MAP2K1: variants seen among roughly 807,000 people sequenced by gnomAD.
MAP2K1 encodes the protein mitogen-activated protein kinase kinase 1.
MAP2K1 carries 16 observed loss-of-function variants against 46.3 expected under a neutral mutation model. The ratio of observed to expected loss-of-function variants is 0.35; its 90% CI spans 0.23 to 0.52. The LOEUF (loss-of-function observed/expected upper bound fraction) is 0.52, where lower values mean the gene tolerates loss of function less well. Among genes scored for constraint, MAP2K1 ranks in the 20% least tolerant of loss-of-function variants. MAP2K1 has a pLI of 0.94. For missense variants in MAP2K1, 263 were observed against 497.1 expected, an observed-to-expected ratio of 0.53 and a Z score of 4.48; for synonymous variants, 183 against 185.6, an observed-to-expected ratio of 0.99 and a Z score of 0.11.
intron 2 of MAP2K1, 117 bp from the exon 3 acceptor site, chr15:66,436,629 T>C (rs1181978693): frequency 9.9e-7 from 1 of 1,011,450 alleles, no homozygotes; most frequent in African/African-American, 1.6e-5. Flanking sequence ...TTGTAACAAC[T>C]TAACCTGTTT....
At chr15:66,420,394 C>T (rs2093435014) in intron 1 of MAP2K1, among the ~76,000 whole-genome samples, 1 of 151,778 alleles carries the variant, frequency 6.6e-6, no homozygotes, top group African/African-American at 2.4e-5. Flanking sequence ...TGGCGAAACC[C>T]AGTCTCTACA....
chr15:66,413,967 T>A (rs187313747), intron 1 of MAP2K1, among the ~76,000 whole-genome samples: 3,619 of 150,854 alleles, frequency 0.024, 61 homozygotes, highest in Middle Eastern at 0.041. Context: ...TTTTTTTTTT[T>A]AATTGTTTAC....
At chr15:66,417,004 C>T (rs2093426160) in intron 1 of MAP2K1, among the ~76,000 whole-genome samples, 1 of 152,154 alleles carries the variant, frequency 6.6e-6, no homozygotes, top group Non-Finnish European at 1.5e-5. Flanking sequence ...TTCTGCCCAC[C>T]CCAAGGCTGA....
intron 3 of MAP2K1, among the ~76,000 whole-genome samples, chr15:66,439,794 G>T (rs2093498552): frequency 6.6e-6 from 1 of 151,912 alleles, no homozygotes; most frequent in African/African-American, 2.4e-5. Context: ...AAATTAGCTG[G>T]CGTGGAGGCA....
At chr15:66,400,247 C>T (rs750181235) in intron 1 of MAP2K1, among the ~76,000 whole-genome samples, 2 of 151,782 alleles carry the variant, frequency 1.3e-5, no homozygotes, top group Non-Finnish European at 2.9e-5. Flanking sequence ...TGGTCTCAAA[C>T]TCTTTGGCTC....
rs539174208 is a variant in MAP2K1, at chr15:66,475,380, T to C, written c.569-6375T>C. The stretch of plus-strand genomic sequence containing the variant: ...TAAAATCCTTTAACTGTTGCTTATC[T>C]ACTTTTGGATTCAGCCTTTGTCACA... On this transcript the variant is annotated intron_variant, in intron 5 of 10. Coordinates refer to ENST00000307102, the MANE Select transcript of MAP2K1 (RefSeq NM_002755.4). Among the ~76,000 whole-genome samples, 6 of 152,338 alleles carry C rather than the reference T, an allele frequency of 3.9e-5. No homozygotes were observed. In the South Asian group the frequency reaches 1.0e-3, roughly 26 times the overall value.
At chr15:66,428,911 C>T (rs1195694455) in intron 1 of MAP2K1, among the ~76,000 whole-genome samples, 1 of 151,074 alleles carries the variant, frequency 6.6e-6, no homozygotes, top group East Asian at 2.0e-4. Flanking sequence ...TCCTGAGTAG[C>T]TGTGATTACA....
At chr15:66,444,963 A>G (rs1891824715) in intron 5 of MAP2K1, 6 of 503,266 alleles carry the variant, frequency 1.2e-5, no homozygotes, top group Admixed American at 6.6e-5. Context: ...AAGAGCCTCA[A>G]CCAGCACTTA....
intron 3 of MAP2K1, among the ~76,000 whole-genome samples, chr15:66,442,380 C>A (rs7177301): frequency 0.069 from 10,459 of 152,224 alleles, 1,196 homozygotes; most frequent in African/African-American, 0.24. Context: ...CTGCTTTGAT[C>A]TTATTGCAGT....
chr15:66,401,722 C>A (rs1177518827), intron 1 of MAP2K1: 1 of 152,054 alleles, frequency 6.6e-6, no homozygotes, highest in Non-Finnish European at 1.5e-5. Flanking sequence ...AGGGAGTGTG[C>A]GCATCCAGGA....
At chr15:66,388,904 CTT>C (rs72328500) in intron 1 of MAP2K1, among the ~76,000 whole-genome samples, 1,468 of 111,896 alleles carry the variant, frequency 0.013, 24 homozygotes, top group African/African-American at 0.047. Context: ...AACATTTGTT[CTT>C]TTTTTTTTTT....
At chr15:66,480,947 G>A (rs1323982890) in intron 5 of MAP2K1, among the ~76,000 whole-genome samples, 1 of 152,178 alleles carries the variant, frequency 6.6e-6, no homozygotes, top group Admixed American at 6.5e-5. Flanking sequence ...GGATACAGCG[G>A]AAGAAAAAAT....
intron 5 of MAP2K1, among the ~76,000 whole-genome samples, chr15:66,464,942 G>A (rs1032000609): frequency 6.6e-6 from 1 of 151,790 alleles, no homozygotes; most frequent in African/African-American, 2.4e-5. Flanking sequence ...GTGTACTATA[G>A]CCAGGCACAG....
At chr15:66,462,807 G>A (rs1892360511) in intron 5 of MAP2K1, among the ~76,000 whole-genome samples, 1 of 152,162 alleles carries the variant, frequency 6.6e-6, no homozygotes, top group Non-Finnish European at 1.5e-5. Context: ...TTGAGCCAGT[G>A]TAAACACAAC....
intron 1 of MAP2K1, among the ~76,000 whole-genome samples, chr15:66,399,338 A>C (rs1049066561): frequency 6.6e-6 from 1 of 152,224 alleles, no homozygotes; most frequent in African/African-American, 2.4e-5. Flanking sequence ...TCCAAGTCTT[A>C]TGTACTTTAA....
intron 5 of MAP2K1, among the ~76,000 whole-genome samples, chr15:66,475,794 A>G (rs1349147224): frequency 1.3e-5 from 2 of 152,052 alleles, no homozygotes; most frequent in African/African-American, 4.8e-5. Flanking sequence ...ACACGTGCAC[A>G]TGTTCTTGTC....
At chr15:66,456,329 C>G (rs1892164808) in intron 5 of MAP2K1, among the ~76,000 whole-genome samples, 1 of 152,108 alleles carries the variant, frequency 6.6e-6, no homozygotes, top group Admixed American at 6.6e-5. Context: ...CAGATAGAAT[C>G]CGATGTGACA....
At chr15:66,414,777 G>A (rs1260700174) in intron 1 of MAP2K1, among the ~76,000 whole-genome samples, 2 of 147,992 alleles carry the variant, frequency 1.4e-5, no homozygotes, top group Admixed American at 1.3e-4. Context: ...CCCCCATCCT[G>A]TGTCTTTTTT....
At chr15:66,435,984 T>C (rs1444267320) in intron 2 of MAP2K1, among the ~76,000 whole-genome samples, 1 of 152,206 alleles carries the variant, frequency 6.6e-6, no homozygotes, top group Non-Finnish European at 1.5e-5. Context: ...CTACCCTTGG[T>C]CCTCTTTTGG....
Sources: allele counts gnomAD v4.1 joint callset (sites outside exome capture counted in the v4.1 genomes callset), GRCh38; gene constraint gnomAD v4.1.1; transcripts MANE v1.5; gene names NCBI Gene and HGNC (gene_info 2026-07-23, HGNC 2026-07-21).